ZNF717: variants seen among roughly 807,000 people sequenced by gnomAD.
ZNF717 encodes krueppel-like factor X17.
Under a neutral mutation model 13.8 loss-of-function variants are expected in ZNF717, and 9 were observed. The observed-to-expected ratio is 0.65, with a 90% CI of 0.39 to 1.14. The LOEUF (loss-of-function observed/expected upper bound fraction) is 1.14, where lower values mean the gene tolerates loss of function less well. Among genes scored for constraint, ZNF717 ranks in the 50% most tolerant of loss-of-function variants. The pLI is 0.01. For synonymous variants in ZNF717, 327 were observed against 364.1 expected (o/e 0.90, Z 1.16); for missense variants, 1,040 against 1,080.7 (o/e 0.96, Z 0.53).
chr3:75,763,390 T>C (rs1430703693), intron 2 of ZNF717, among the ~76,000 whole-genome samples: 1 of 152,252 alleles, frequency 6.6e-6, no homozygotes, highest in Non-Finnish European at 1.5e-5. Context: ...AGCATTTCCT[T>C]TGAGTGTCAT....
At chr3:75,775,888 A>G (rs201115405) in intron 2 of ZNF717, among the ~76,000 whole-genome samples, 8,234 of 119,932 alleles carry the variant, frequency 0.069, no homozygotes, top group Non-Finnish European at 0.088. Context: ...AAGTTTAATA[A>G]AAAGACCAAC....
rs534531003 is a variant in ZNF717, at chr3:75,785,534, C to G, written c.-153G>C. 1.3e-5 allele frequency: 2 copies of G among 152,426 alleles called. No individual in the cohort carries two copies. The highest frequency in any genetic ancestry group is 2.4e-5 in the African/African-American group (1 of 41,484). 9.4% of individuals were successfully genotyped at this position (152,426 alleles called of 1,614,324 possible). On this transcript the variant is annotated 5_prime_UTR_variant, in exon 1 of 5. Transcript: ENST00000652011. ...CAGGGACATAGAACCAAGCCCCAGG[C>G]TGGCCCAGCTACAAGACCGCCTCTG...
intron 2 of ZNF717, among the ~76,000 whole-genome samples, chr3:75,759,062 T>TTAC (rs1330488488): frequency 1.3e-5 from 2 of 152,152 alleles, no homozygotes; most frequent in Non-Finnish European, 2.9e-5. Context: ...TAAACTAAGG[T>TTAC]GTGTACACTT....
chr3:75,735,635 TAAAA>T (rs149366090), downstream of ZNF717, among the ~76,000 whole-genome samples: 78 of 79,832 alleles, frequency 9.8e-4, no homozygotes, highest in African/African-American at 3.9e-3. Context: ...ACTGTCTCAA[TAAAA>T]AAAAAAAAAA....
At chr3:75,733,058 G>C (rs1440213533), downstream of ZNF717, among the ~76,000 whole-genome samples, 1 of 152,046 alleles carries the variant, frequency 6.6e-6, no homozygotes, top group African/African-American at 2.4e-5. Context: ...AGAAACAGTA[G>C]AGATAAAAAA....
downstream of ZNF717, among the ~76,000 whole-genome samples, chr3:75,729,634 A>AAAAAG (rs1938401189): frequency 6.6e-6 from 1 of 151,236 alleles, no homozygotes; most frequent in Non-Finnish European, 1.5e-5. Flanking sequence ...AAAAAAAAAA[A>AAAAAG]AAAGGATAAG....
intron 4 of ZNF717, among the ~76,000 whole-genome samples, chr3:75,717,680 G>A (rs1938083252): frequency 6.6e-6 from 1 of 152,124 alleles, no homozygotes; most frequent in Non-Finnish European, 1.5e-5. Flanking sequence ...CCAAGGTGGA[G>A]GCCCACAAAA....
At chr3:75,709,132 G>T (rs1371179307), downstream of ZNF717, among the ~76,000 whole-genome samples, 14 of 151,930 alleles carry the variant, frequency 9.2e-5, no homozygotes, top group African/African-American at 3.1e-4. Flanking sequence ...CTGAGTAGCT[G>T]GAATTACAGG....
intron 2 of ZNF717, among the ~76,000 whole-genome samples, chr3:75,773,736 A>G (rs1415760930): frequency 1.3e-5 from 2 of 152,190 alleles, no homozygotes; most frequent in Non-Finnish European, 2.9e-5. Flanking sequence ...GGAGGGCGAC[A>G]GAGCAAGACG....
rs1326921786 is a variant in ZNF717 at position 75,735,946 on chromosome 3, A to G, written c.*932T>C. The G allele has an allele frequency of 6.6e-6, 1 of 152,180 alleles. No individual in the cohort carries two copies. The highest frequency in any genetic ancestry group is 6.5e-5 in the Admixed American group (1 of 15,272). The allele number at this position is 152,180 out of a possible 1,614,324, so 9.4% of individuals were successfully genotyped here. On this transcript the variant is annotated 3_prime_UTR_variant, in exon 5 of 5. Coordinates refer to ENST00000652011, the MANE Select transcript of ZNF717 (RefSeq NM_001290208.3). ...AAAGATTTGTGGCCACGAAGTGCTC[A>G]GCAAGCCTGACCAGCACCATTTTTC...
intron 2 of ZNF717, among the ~76,000 whole-genome samples, chr3:75,742,736 T>C (rs1172936664): frequency 6.6e-6 from 1 of 152,202 alleles, no homozygotes; most frequent in East Asian, 1.9e-4. Flanking sequence ...TTTGACCCAA[T>C]TTCAAAAATT....
chr3:75,766,170 G>C (rs1559664398), intron 2 of ZNF717, among the ~76,000 whole-genome samples: 1 of 152,076 alleles, frequency 6.6e-6, no homozygotes, highest in African/African-American at 2.4e-5. Context: ...TCCAACCTTA[G>C]TAATGATTAG....
downstream of ZNF717, among the ~76,000 whole-genome samples, chr3:75,732,596 T>A (rs1329331972): frequency 1.2e-4 from 18 of 152,360 alleles, no homozygotes; most frequent in South Asian, 4.1e-4. Flanking sequence ...GACATATAGC[T>A]GGCACCATCT....
At chr3:75,764,814 CA>C (rs1014719211) in intron 2 of ZNF717, among the ~76,000 whole-genome samples, 257 of 146,292 alleles carry the variant, frequency 1.8e-3, no homozygotes, top group African/African-American at 5.8e-3. Context: ...ACTGGCTCCT[CA>C]AAAAAAAAAT....
At chr3:75,708,476 C>T (rs6549770), downstream of ZNF717, among the ~76,000 whole-genome samples, 62,978 of 151,874 alleles carry the variant, frequency 0.41, 13,465 homozygotes, top group South Asian at 0.61. Context: ...TACGTCACCA[C>T]CATCAAAGAC....
rs1057148337 is a variant in ZNF717 at position 75,738,130 on chromosome 3, T to C, written c.1493A>G (p.Gln498Arg). 228 of 1,358,350 alleles carry C rather than the reference T, an allele frequency of 1.7e-4. No individual in the cohort carries two copies. The highest frequency in any genetic ancestry group is 2.1e-4 in the Non-Finnish European group (210 of 1,015,894). 84.1% of individuals were successfully genotyped at this position (1,358,350 alleles called of 1,614,324 possible). Residue 498 changes from glutamine to arginine, a missense_variant, in exon 5 of 5, where the codon CAA becomes CGA. By Grantham distance (43) the Gln-to-Arg change is conservative. This residue lies in a region of ZNF717 where 873 missense variants were observed against 832.8 expected (regional missense o/e 1.05). Coordinates refer to ENST00000652011, the MANE Select transcript of ZNF717 (RefSeq NM_001290208.3). ...FHRKSFLTIH[Q>R]WTHTGEKPYE... Reference sequence around the variant, plus strand: ...GGGTTTTTCCCCTGTGTGAGTCCATTGATGGATAGTGAGGAATGACTTACG... The same window carrying C: ...GGGTTTTTCCCCTGTGTGAGTCCATCGATGGATAGTGAGGAATGACTTACG...
At chr3:75,729,250 G>C (rs1421029159), downstream of ZNF717, among the ~76,000 whole-genome samples, 28 of 152,058 alleles carry the variant, frequency 1.8e-4, no homozygotes, top group African/African-American at 5.8e-4. Flanking sequence ...AAGAGGGAGG[G>C]GAACAATCAG....
intron 2 of ZNF717, among the ~76,000 whole-genome samples, chr3:75,776,363 G>A (rs1349636688): frequency 6.8e-3 from 1,024 of 151,292 alleles, no homozygotes; most frequent in African/African-American, 0.024. Context: ...TACCTGATGG[G>A]CCATTTAAAC....
chr3:75,768,307 G>T (rs968710303), intron 2 of ZNF717, among the ~76,000 whole-genome samples: 2 of 126,992 alleles, frequency 1.6e-5, no homozygotes, highest in East Asian at 4.6e-4. Flanking sequence ...AGTGTGTCGG[G>T]GGGCAGATGA....
Sources: gnomAD v4.1 joint callset for allele counts (sites outside exome capture counted in the v4.1 genomes callset) on GRCh38, gnomAD v4.1.1 for gene constraint, gnomAD v4.1.1 regional missense constraint, MANE v1.5 for transcripts, NCBI Gene and HGNC (gene_info 2026-07-23, HGNC 2026-07-21) for gene names.